Variants in PABPC1L observed in about 807,000 individuals in gnomAD.
PABPC1L encodes the protein polyadenylate-binding protein 1-like.
In PABPC1L, 31 loss-of-function variants were observed where a neutral mutation model predicts 66.6. The ratio of observed to expected loss-of-function variants is 0.47; its 90% CI spans 0.35 to 0.63. The LOEUF (loss-of-function observed/expected upper bound fraction) is 0.63. Among genes scored for constraint, PABPC1L ranks in the 20% least tolerant of loss-of-function variants. The pLI, the probability that PABPC1L is intolerant of heterozygous loss-of-function variation, is 0.00. For missense variants in PABPC1L, 722 were observed against 848.8 expected, an observed-to-expected ratio of 0.85 and a Z score of 1.86; for synonymous variants, 348 against 335.1, an observed-to-expected ratio of 1.04 and a Z score of -0.42.
intron 1 of PABPC1L, 45 bp from the exon 2 acceptor site, chr20:44,912,615 A>G (rs1409514939): frequency 6.5e-7 from 1 of 1,534,054 alleles, no homozygotes; most frequent in Non-Finnish European, 8.9e-7. Flanking sequence ...CAAGGTAAGA[A>G]AATTCCCTAA....
chr20:44,910,240 C>T lies in PABPC1L; in HGVS notation c.97C>T (p.Pro33Ser), dbSNP rs1731987401. 5 of 1,568,586 alleles carry T rather than the reference C, an allele frequency of 3.2e-6. No individual in the cohort carries two copies. Among genetic ancestry groups the T allele is most frequent in the Non-Finnish European group, 4.3e-6 (5 of 1,156,970 alleles). Reference sequence around the variant, plus strand: ...GGCCATGCTCTATGAGAAGTTCTCTCCCGCCGGCCCCATCCTGTCCATCCG... The same window carrying T: ...GGCCATGCTCTATGAGAAGTTCTCTTCCGCCGGCCCCATCCTGTCCATCCG... ...TEAMLYEKFS[P>S]AGPILSIRVC... is the part of the protein sequence containing the mutation. The change falls in exon 1 of 15, where the codon CCC becomes TCC. Residue 33 changes from proline to serine, a missense_variant. This residue lies in a region of PABPC1L where 284 missense variants were observed against 294.8 expected (regional missense o/e 0.96). Transcript: ENST00000217073.
At chr20:44,914,665 C>T (rs993082441) in intron 2 of PABPC1L, among the ~76,000 whole-genome samples, 7 of 152,136 alleles carry the variant, frequency 4.6e-5, no homozygotes, top group Admixed American at 1.3e-4. Flanking sequence ...TTATCTGTGA[C>T]AGAGAGACGG....
At chr20:44,924,026 A>G in intron 6 of PABPC1L, 135 bp from the exon 7 acceptor site, 1 of 708,852 alleles carries the variant, frequency 1.4e-6, no homozygotes, top group Non-Finnish European at 2.5e-6. Flanking sequence ...CTGGGTGCTG[A>G]GGGAGACGGG....
chr20:44,911,716 T>G (rs1478893323), intron 1 of PABPC1L, among the ~76,000 whole-genome samples: 1 of 152,180 alleles, frequency 6.6e-6, no homozygotes, highest in African/African-American at 2.4e-5. Flanking sequence ...TTGTTCTGCT[T>G]TGCTCCACCT....
intron 1 of PABPC1L, among the ~76,000 whole-genome samples, chr20:44,911,660 C>T (rs6031866): frequency 1.3e-5 from 2 of 152,158 alleles, no homozygotes; most frequent in South Asian, 4.1e-4. Context: ...TCCGCCGGGC[C>T]TGTTCCCCGC....
In PABPC1L at chr20:44,910,599, G is replaced by GGTGGGT. The variant is rs2066697726; in HGVS notation, c.193+265_193+266insGGGTGT. 2.0e-5 allele frequency among the ~76,000 whole-genome samples: 3 copies of GGTGGGT among 151,772 alleles called. No individual in the cohort carries two copies. The South Asian group carries it at 6.2e-4, about 32-fold the overall frequency. On this transcript the variant is annotated intron_variant, in intron 1 of 14. Coordinates refer to ENST00000217073, the MANE Select transcript of PABPC1L (RefSeq NM_001372179.1). ...CAGGCTTTGTGGGGGTGGGGGTGGG[G>GGTGGGT]GTCAGGCGGACCAGGGATAGAAGCC...
Position 44,935,466 on chromosome 20 carries a change from A to G in PABPC1L, c.1535A>G (p.Lys512Arg), listed in dbSNP as rs760614563. ...CCAGGCCGGCCGCTCCTGCCGTGCA[A>G]ATGTTCCTCAGCAGCACATAGCACC... ...CTPGRPLLPC[K>R]CSSAAHSTYR... Residue 512 changes from lysine to arginine, a missense_variant, in exon 11 of 15, where the codon AAA (lysine) becomes AGA (arginine). Physicochemically the swap from Lys to Arg is conservative, Grantham distance 26 (BLOSUM62 2). Around this residue, in one of 3 missense-constraint regions of PABPC1L, gnomAD observed 301 missense variants for 337.2 expected, o/e 0.89. Coordinates refer to ENST00000217073, the MANE Select transcript of PABPC1L (RefSeq NM_001372179.1). 16 of 1,614,016 alleles carry G rather than the reference A, an allele frequency of 9.9e-6. No individual in the cohort carries two copies. The South Asian group carries it at 1.5e-4, about 16-fold the overall frequency.
At chr20:44,935,145 T>C (rs906523833) in intron 10 of PABPC1L, among the ~76,000 whole-genome samples, 1 of 151,620 alleles carries the variant, frequency 6.6e-6, no homozygotes, top group African/African-American at 2.4e-5. Context: ...TTTGGGTATA[T>C]ACCCAGAGGT....
In PABPC1L at chr20:44,938,145, C is replaced by T. The variant is rs200717052; in HGVS notation, c.1745C>T (p.Ser582Leu). The T allele has an allele frequency of 3.4e-4, 541 of 1,614,168 alleles. 2 individuals are homozygous for T. Among genetic ancestry groups the T allele is most frequent in the Non-Finnish European group, 4.2e-4 (492 of 1,180,036 alleles). Residue 582 changes from serine to leucine, a missense_variant, in exon 13 of 15, where the codon TCA becomes TTA. This residue lies in a region of PABPC1L where 301 missense variants were observed against 337.2 expected (regional missense o/e 0.89). Transcript: ENST00000217073. ...GGCATGCTGCTGGAGATTGACAACTCAGAGCTGTTGCTCATGCTGGAGTCT... is the reference window on the plus strand; with the variant it reads ...GGCATGCTGCTGGAGATTGACAACTTAGAGCTGTTGCTCATGCTGGAGTCT... ...ITGMLLEIDN[S>L]ELLLMLESPE...
At chr20:44,918,668 C>T (rs1053960364) in intron 3 of PABPC1L, among the ~76,000 whole-genome samples, 1 of 152,186 alleles carries the variant, frequency 6.6e-6, no homozygotes, top group African/African-American at 2.4e-5. Flanking sequence ...GTGCATTTGT[C>T]GCAAGAATGA....
rs1413496162 is a variant in PABPC1L at position 44,916,799 on chromosome 20, A to C, written c.431A>C (p.His144Pro). ...GGCTCCCGGGGTTTCGGCTTTGTCCATTTTGAGACCCATGAGGCCGCACAG... is the reference window on the plus strand; with the variant it reads ...GGCTCCCGGGGTTTCGGCTTTGTCCCTTTTGAGACCCATGAGGCCGCACAG... ...EHGSRGFGFV[H>P]FETHEAAQQA... The change falls in exon 3 of 15, where the codon CAT becomes CCT. Residue 144 changes from histidine to proline, a missense_variant. Coordinates refer to ENST00000217073, the MANE Select transcript of PABPC1L (RefSeq NM_001372179.1). 1.9e-6 allele frequency: 3 copies of C among 1,613,982 alleles called. No individual in the cohort carries two copies. The highest frequency in any genetic ancestry group is 2.5e-6 in the Non-Finnish European group (3 of 1,180,012).
chr20:44,916,773 T>C lies in PABPC1L; in HGVS notation c.405T>C (p.His135=), dbSNP rs576606344. 1.2e-6 allele frequency: 2 copies of C among 1,614,214 alleles called. No homozygotes were observed. The highest frequency in any genetic ancestry group is 2.7e-5 in the African/African-American group (2 of 75,066). ...TGGCCCAGGTGGCGTGTGACGAGCA[T>C]GGCTCCCGGGGTTTCGGCTTTGTCC... ...ILSCKVACDE[H]GSRGFGFVHF... Residue 135 remains histidine (H), a synonymous_variant, in exon 3 of 15, where the codon CAT becomes CAC. Coordinates refer to ENST00000217073, the MANE Select transcript of PABPC1L (RefSeq NM_001372179.1).
intron 7 of PABPC1L, among the ~76,000 whole-genome samples, chr20:44,925,210 C>CAAAAAA (rs34623911): frequency 4.0e-5 from 3 of 75,486 alleles, no homozygotes; most frequent in African/African-American, 1.5e-4. Context: ...GACTCTGTCT[C>CAAAAAA]AAAAAAAAAA....
chr20:44,938,419 T>C (rs767636530), intron 13 of PABPC1L, among the ~76,000 whole-genome samples: 2 of 152,202 alleles, frequency 1.3e-5, no homozygotes. Flanking sequence ...GTAGGTCTTT[T>C]GGTACAAGGA....
At chr20:44,935,882 G>A (rs769279593) in intron 11 of PABPC1L, among the ~76,000 whole-genome samples, 3 of 152,006 alleles carry the variant, frequency 2.0e-5, no homozygotes, top group Non-Finnish European at 4.4e-5. Context: ...CTAAAATTCA[G>A]CATTATCATA....
chr20:44,911,868 C>G (rs2066707817), intron 1 of PABPC1L, among the ~76,000 whole-genome samples: 1 of 152,228 alleles, frequency 6.6e-6, no homozygotes, highest in South Asian at 2.1e-4. Flanking sequence ...ACTTGCTCCA[C>G]TGTGTTCCCC....
At chr20:44,927,235 G>T (rs2066815905) in intron 7 of PABPC1L, among the ~76,000 whole-genome samples, 1 of 152,004 alleles carries the variant, frequency 6.6e-6, no homozygotes, top group South Asian at 2.1e-4. Context: ...GGAATTAATG[G>T]ATATAAATAC....
intron 7 of PABPC1L, among the ~76,000 whole-genome samples, chr20:44,925,679 T>C (rs1475276120): frequency 1.3e-5 from 2 of 152,152 alleles, no homozygotes. Flanking sequence ...AGCCTTGTGT[T>C]TGGAGGAAAA....
intron 5 of PABPC1L, among the ~76,000 whole-genome samples, chr20:44,919,777 C>T (rs2280983): frequency 0.42 from 63,407 of 151,886 alleles, 13,814 homozygotes; most frequent in African/African-American, 0.53. Flanking sequence ...GAGTTCAGTT[C>T]GAGACCAGCT....
Sources: gnomAD v4.1 joint callset for allele counts (sites outside exome capture counted in the v4.1 genomes callset) on GRCh38, gnomAD v4.1.1 for gene constraint, gnomAD v4.1.1 regional missense constraint, MANE v1.5 for transcripts, NCBI Gene and HGNC (gene_info 2026-07-23, HGNC 2026-07-21) for gene names.